The following MAGI3 variants were observed in gnomAD, a reference collection of about 807,000 sequenced individuals.
The protein encoded by MAGI3 is membrane-associated guanylate kinase, WW and PDZ domain-containing protein 3.
MAGI3 carries 43 observed loss-of-function variants against 121.8 expected under a neutral mutation model. The observed-to-expected ratio is 0.35, with a 90% confidence interval of 0.28 to 0.46. The LOEUF is 0.46. Ranked by LOEUF, MAGI3 falls within the 20% of genes least tolerant of loss-of-function variation. The pLI, the probability that MAGI3 is intolerant of heterozygous loss-of-function variation, is 1.00. For synonymous variants in MAGI3, 553 were observed against 639.3 expected (o/e 0.86, Z 2.04); for missense variants, 1,547 against 1,797.3 (o/e 0.86, Z 2.52).
chr1:113,415,573 C>G (rs1202770598), intron 1 of MAGI3, among the ~76,000 whole-genome samples: 1 of 151,966 alleles, frequency 6.6e-6, no homozygotes, highest in East Asian at 1.9e-4. Context: ...GATTCTTGAG[C>G]ATCACTTTTG....
chr1:113,526,591 T>G (rs1415958217), intron 1 of MAGI3, among the ~76,000 whole-genome samples: 1 of 152,108 alleles, frequency 6.6e-6, no homozygotes, highest in African/African-American at 2.4e-5. Context: ...ATAAACCACA[T>G]TAAGGGATTT....
intron 20 of MAGI3, 45 bp from the exon 21 acceptor site, chr1:113,682,852 G>A (rs748014069): frequency 1.3e-6 from 2 of 1,496,076 alleles, no homozygotes; most frequent in Non-Finnish European, 1.8e-6. Context: ...GTTCCTATTT[G>A]TAATTCTAAA....
At chr1:113,629,521 AT>A (rs1651463695) in intron 9 of MAGI3, among the ~76,000 whole-genome samples, 1 of 152,108 alleles carries the variant, frequency 6.6e-6, no homozygotes, top group South Asian at 2.1e-4. Flanking sequence ...AGAGTTAGGC[AT>A]TTATTGTAGT....
At chr1:113,544,664 G>A (rs1659448647) in intron 1 of MAGI3, among the ~76,000 whole-genome samples, 2 of 152,128 alleles carry the variant, frequency 1.3e-5, no homozygotes, top group South Asian at 4.1e-4. Flanking sequence ...TCTCTTCAAA[G>A]GCCAAAATTT....
chr1:113,393,722 T>A (rs945473282), intron 1 of MAGI3, among the ~76,000 whole-genome samples: 2 of 152,210 alleles, frequency 1.3e-5, no homozygotes, highest in African/African-American at 4.8e-5. Context: ...GATTCTTTAT[T>A]GTGATTCATT....
chr1:113,667,589 C>A (rs2101012733), intron 16 of MAGI3, among the ~76,000 whole-genome samples: 1 of 152,290 alleles, frequency 6.6e-6, no homozygotes, highest in East Asian at 1.9e-4. Flanking sequence ...AAGGCTGTTT[C>A]ATTTTCTTGT....
chr1:113,601,862 C>T (rs1388672448), intron 6 of MAGI3, among the ~76,000 whole-genome samples: 3 of 144,488 alleles, frequency 2.1e-5, no homozygotes, highest in Non-Finnish European at 4.5e-5. Context: ...GAAAATGTGG[C>T]ACATATACAC....
chr1:113,485,170 T>C (rs1263894997), intron 1 of MAGI3, among the ~76,000 whole-genome samples: 1 of 152,238 alleles, frequency 6.6e-6, no homozygotes, highest in Admixed American at 6.5e-5. Flanking sequence ...TTCCTCTGGA[T>C]AGATACCTAG....
At chr1:113,530,277 A>G (rs1330037835) in intron 1 of MAGI3, among the ~76,000 whole-genome samples, 1 of 151,978 alleles carries the variant, frequency 6.6e-6, no homozygotes, top group African/African-American at 2.4e-5. Flanking sequence ...CTGTCTGCAA[A>G]CATTTTTGTG....
At chr1:113,421,800 A>G (rs1034445982) in intron 1 of MAGI3, among the ~76,000 whole-genome samples, 2 of 152,098 alleles carry the variant, frequency 1.3e-5, no homozygotes, top group African/African-American at 2.4e-5. Context: ...ATTTGCTTTG[A>G]GGTGTATTTC....
chr1:113,507,967 T>A (rs1657424908), intron 1 of MAGI3, among the ~76,000 whole-genome samples: 1 of 152,086 alleles, frequency 6.6e-6, no homozygotes, highest in Non-Finnish European at 1.5e-5. Context: ...TTTGGACCAA[T>A]CATTACTGCC....
chr1:113,533,855 C>T (rs1658843829), intron 1 of MAGI3, among the ~76,000 whole-genome samples: 1 of 149,412 alleles, frequency 6.7e-6, no homozygotes, highest in South Asian at 2.1e-4. Context: ...CTTTATGATG[C>T]TGTTGTTTTT....
intron 1 of MAGI3, among the ~76,000 whole-genome samples, chr1:113,545,083 GT>G (rs71962960): frequency 0.23 from 33,380 of 143,266 alleles, 4,715 homozygotes; most frequent in East Asian, 0.65. Flanking sequence ...GTTTTGTTTT[GT>G]TTTTTTTTTA....
chr1:113,548,787 G>GA (rs2101667396), intron 1 of MAGI3, among the ~76,000 whole-genome samples: 1 of 152,330 alleles, frequency 6.6e-6, no homozygotes, highest in East Asian at 1.9e-4. Flanking sequence ...AAGGAGACAA[G>GA]AATGATGCCG....
chr1:113,448,516 CAGT>C (rs1654296338), intron 1 of MAGI3, among the ~76,000 whole-genome samples: 1 of 152,188 alleles, frequency 6.6e-6, no homozygotes, highest in Non-Finnish European at 1.5e-5. Context: ...TTGTGTGTGG[CAGT>C]ATTTCTGCAT....
At position 113,658,618 on chromosome 1, in the gene MAGI3, A is replaced by G; in HGVS notation, c.2630-462A>G. On this transcript the variant is annotated intron_variant, in intron 15 of 20. Transcript: ENST00000307546. The surrounding 1 kb of genome is among the most constrained non-coding windows in gnomAD (Gnocchi z 4.0). ...ACCTGAGTTTGACCTGCATTTATTT[A>G]CAAGGTTCCTTATGGGAGCAAGTGT... Among the ~76,000 whole-genome samples, 1 of 152,224 alleles carries G rather than the reference A, an allele frequency of 6.6e-6. No individual in the cohort carries two copies. Among genetic ancestry groups the G allele is most frequent in the East Asian group, 1.9e-4 (1 of 5,194 alleles).
At chr1:113,616,860 T>C (rs1046496863) in intron 7 of MAGI3, among the ~76,000 whole-genome samples, 1 of 151,668 alleles carries the variant, frequency 6.6e-6, no homozygotes, top group African/African-American at 2.4e-5. Flanking sequence ...AAAGTCAAAA[T>C]ATATACTTGC....
In MAGI3 at chr1:113,681,189, T is replaced by G. The variant is rs1161336081; in HGVS notation, c.3190-9T>G. Reference sequence around the variant, plus strand: ...TTTCATGTTGTTCCTGTGAATGTTCTCTGTCTAGGTTGGTGACCAGATTGT... The same window carrying G: ...TTTCATGTTGTTCCTGTGAATGTTCGCTGTCTAGGTTGGTGACCAGATTGT... On this transcript the variant is annotated splice_polypyrimidine_tract_variant and intron_variant, in intron 19 of 20. Coordinates refer to ENST00000307546, the MANE Select transcript of MAGI3 (RefSeq NM_001142782.2). The G allele has an allele frequency of 1.2e-6, 2 of 1,609,840 alleles. No individual in the cohort carries two copies. The highest frequency in any genetic ancestry group is 2.2e-5 in the South Asian group (2 of 89,862).
intron 9 of MAGI3, among the ~76,000 whole-genome samples, chr1:113,631,576 A>G (rs1238754508): frequency 1.3e-5 from 2 of 152,192 alleles, no homozygotes; most frequent in Non-Finnish European, 2.9e-5. Flanking sequence ...AGATTTATTA[A>G]TCATCTCAGA....
Sources: gnomAD v4.1 joint callset for allele counts (sites outside exome capture counted in the v4.1 genomes callset) on GRCh38, gnomAD v4.1.1 for gene constraint, Gnocchi (gnomAD v3.1) non-coding constraint, MANE v1.5 for transcripts, NCBI Gene and HGNC (gene_info 2026-07-23, HGNC 2026-07-21) for gene names.